Variants in PKIG observed in about 807,000 individuals in gnomAD.
PKIG encodes protein kinase (cAMP-dependent, catalytic) inhibitor gamma.
A neutral mutation model predicts 6.8 loss-of-function variants in PKIG; 1 was observed. The ratio of observed to expected loss-of-function variants is 0.15; its 90% CI spans 0.05 to 0.69. The LOEUF is 0.69. PKIG is among the 30% of genes least tolerant of loss of function. The pLI, the probability that PKIG is intolerant of heterozygous loss-of-function variation, is 0.82. For missense variants in PKIG, 77 were observed against 104.0 expected (o/e 0.74, Z 1.13); for synonymous variants, 39 against 43.0 (o/e 0.91, Z 0.36).
At chr20:44,609,693 T>C (rs1054745494) in intron 2 of PKIG, among the ~76,000 whole-genome samples, 1 of 152,130 alleles carries the variant, frequency 6.6e-6, no homozygotes, top group Non-Finnish European at 1.5e-5. Context: ...CCAGACCAAA[T>C]TCCTGTTCCC....
At position 44,618,396 on chromosome 20, in the gene PKIG, G is replaced by A. The variant is rs2065290764; in HGVS notation, c.*32G>A. ...CCTTGTCCAAGAAGGCTGGACGAGA[G>A]ACCTTCTGTCCCCTCCCAGAGGGGG... On this transcript the variant is annotated 3_prime_UTR_variant, in exon 4 of 4. Transcript: ENST00000372886. 2 of 1,452,462 alleles carry A rather than the reference G, an allele frequency of 1.4e-6. No individual in the cohort carries two copies. The highest frequency in any genetic ancestry group is 4.5e-5 in the East Asian group (2 of 44,092). 90.0% of individuals were successfully genotyped at this position (1,452,462 alleles called of 1,614,324 possible). A position where few individuals can be genotyped will look rare whatever the true frequency, so the allele number is the denominator to read the frequency against.
upstream of PKIG, among the ~76,000 whole-genome samples, chr20:44,581,289 G>A (rs529443532): frequency 1.9e-4 from 29 of 152,252 alleles, no homozygotes; most frequent in South Asian, 5.8e-3. Flanking sequence ...TATGTACAAC[G>A]AGAGCAAACA....
At chr20:44,554,071 A>G (rs1039414270) in intron 1 of PKIG, among the ~76,000 whole-genome samples, 2 of 150,112 alleles carry the variant, frequency 1.3e-5, no homozygotes, top group African/African-American at 4.9e-5. Context: ...TTAATTTAAA[A>G]AAAAATTTTT....
intron 3 of PKIG, among the ~76,000 whole-genome samples, chr20:44,617,362 G>C (rs1157429155): frequency 6.6e-6 from 1 of 152,120 alleles, no homozygotes; most frequent in Non-Finnish European, 1.5e-5. Flanking sequence ...CAGGCCCCAC[G>C]TGGTGCACCT....
chr20:44,610,218 A>C (rs1055872601), intron 2 of PKIG, among the ~76,000 whole-genome samples: 1 of 152,016 alleles, frequency 6.6e-6, no homozygotes. Context: ...GCCCTCCTCT[A>C]TTTTACACAG....
Position 44,618,553 on chromosome 20 carries a change from T to C in PKIG, c.*189T>C. ...AAGCCCTCTGCCCACACCCACAGGC[T>C]TCACATTCCCACCACCTTCGCACCG... is the stretch of plus-strand genomic sequence containing the variant. On this transcript the variant is annotated 3_prime_UTR_variant, in exon 4 of 4. Transcript: ENST00000372886. 1.8e-6 allele frequency: 1 copy of C among 560,650 alleles called. No individual in the cohort carries two copies. The highest frequency in any genetic ancestry group is 3.2e-6 in the Non-Finnish European group (1 of 310,998). The allele number at this position is 560,650 out of a possible 1,614,324, so 34.7% of individuals were successfully genotyped here.
intron 1 of PKIG, among the ~76,000 whole-genome samples, chr20:44,583,578 G>A (rs2064965701): frequency 6.6e-6 from 1 of 152,258 alleles, no homozygotes; most frequent in African/African-American, 2.4e-5. Context: ...AGCAGGTTAA[G>A]TATATTTGAA....
chr20:44,610,815 A>G (rs946579425), intron 2 of PKIG, among the ~76,000 whole-genome samples: 5 of 151,832 alleles, frequency 3.3e-5, no homozygotes, highest in Admixed American at 1.3e-4. Flanking sequence ...TTCAGTTGCC[A>G]GTTTATCTCA....
chr20:44,541,636 C>T (rs1446997684), intron 1 of PKIG, among the ~76,000 whole-genome samples: 5 of 149,448 alleles, frequency 3.3e-5, no homozygotes, highest in African/African-American at 1.2e-4. Flanking sequence ...TACCTGTTTT[C>T]TTGTAGCTTT....
intron 1 of PKIG, among the ~76,000 whole-genome samples, chr20:44,552,581 T>A (rs1025435145): frequency 6.6e-6 from 1 of 152,218 alleles, no homozygotes; most frequent in East Asian, 1.9e-4. Flanking sequence ...GCAGGCACTT[T>A]TGAATCAAAT....
intron 2 of PKIG, among the ~76,000 whole-genome samples, chr20:44,592,539 A>G (rs753272383): frequency 1.3e-5 from 2 of 152,204 alleles, no homozygotes; most frequent in Non-Finnish European, 2.9e-5. Flanking sequence ...CTTGGCAGCT[A>G]GGAGTGTGCC....
chr20:44,588,340 G>A (rs1267816830), intron 1 of PKIG, among the ~76,000 whole-genome samples: 1 of 152,130 alleles, frequency 6.6e-6, no homozygotes. Flanking sequence ...TTGAAAAGGT[G>A]GTATTCAAAC....
chr20:44,543,219 C>T (rs2064578449), intron 1 of PKIG, among the ~76,000 whole-genome samples: 1 of 152,092 alleles, frequency 6.6e-6, no homozygotes, highest in African/African-American at 2.4e-5. Flanking sequence ...AAATAAAGGG[C>T]TCAGCACAGT....
chr20:44,615,962 C>T (rs1448937282), intron 3 of PKIG, among the ~76,000 whole-genome samples: 2 of 152,180 alleles, frequency 1.3e-5, no homozygotes, highest in African/African-American at 4.8e-5. Context: ...AAAGCCTTCC[C>T]TGTCCCATAA....
intron 1 of PKIG, among the ~76,000 whole-genome samples, chr20:44,546,557 G>GTCCTTTTTT (rs2064615749): frequency 8.5e-6 from 1 of 117,446 alleles, no homozygotes; most frequent in African/African-American, 4.3e-5. Context: ...GTTTTTTTGA[G>GTCCTTTTTT]TTCTTTTTTT....
chr20:44,602,822 C>G (rs1289049378), intron 2 of PKIG, among the ~76,000 whole-genome samples: 1 of 130,848 alleles, frequency 7.6e-6, no homozygotes, highest in Admixed American at 8.5e-5. Flanking sequence ...ACCTGGGCGA[C>G]AGAGTAAGAC....
chr20:44,585,244 T>C (rs563352375), intron 1 of PKIG: 1 of 152,504 alleles, frequency 6.6e-6, no homozygotes, highest in African/African-American at 2.4e-5. Context: ...CTTTCAGTTC[T>C]TGTTTTGTGT....
At chr20:44,535,673 A>G (rs900713586) in intron 1 of PKIG, among the ~76,000 whole-genome samples, 2 of 152,176 alleles carry the variant, frequency 1.3e-5, no homozygotes, top group African/African-American at 4.8e-5. Flanking sequence ...GGAGCTATAT[A>G]TATTAGAAAG....
At chr20:44,607,483 TCTC>T (rs565428933) in intron 2 of PKIG, among the ~76,000 whole-genome samples, 240 of 148,150 alleles carry the variant, frequency 1.6e-3, no homozygotes, top group Non-Finnish European at 2.0e-3. Context: ...TTCGAGCAAT[TCTC>T]CTGCCTCAGC....
Sources: gnomAD v4.1 joint callset for allele counts (sites outside exome capture counted in the v4.1 genomes callset) on GRCh38, gnomAD v4.1.1 for gene constraint, MANE v1.5 for transcripts, NCBI Gene and HGNC (gene_info 2026-07-23, HGNC 2026-07-21) for gene names.